The following SOX10 variants were observed in gnomAD, a reference collection of about 807,000 sequenced individuals.
The protein encoded by SOX10 is transcription factor SOX-10.
In SOX10, 3 loss-of-function variants were observed where a neutral mutation model predicts 35.0. The observed-to-expected ratio is 0.09, with a 90% CI of 0.04 to 0.22. SOX10 has a LOEUF of 0.22. Ranked by LOEUF, SOX10 falls within the 10% of genes least tolerant of loss-of-function variation. The pLI is 1.00. For synonymous variants in SOX10, 285 were observed against 291.0 expected (o/e 0.98, Z 0.21); for missense variants, 436 against 655.1 (o/e 0.67, Z 3.65).
chr22:37,975,640 C>T (rs986870954), intron 3 of SOX10, among the ~76,000 whole-genome samples: 4 of 152,326 alleles, frequency 2.6e-5, no homozygotes, highest in Non-Finnish European at 4.4e-5. Context: ...CCAGAGGCAG[C>T]GCCAAGTCCT....
chr22:37,976,937 C>T (rs893552746), intron 3 of SOX10, among the ~76,000 whole-genome samples: 12 of 152,050 alleles, frequency 7.9e-5, no homozygotes, highest in East Asian at 1.9e-4. Flanking sequence ...GAGGCCGAGG[C>T]GGGCAGATTG....
At position 37,980,127 on chromosome 22, in the gene SOX10, T is replaced by C. The variant is rs1932351578; in HGVS notation, c.429-1992A>G. 1.3e-5 allele frequency among the ~76,000 whole-genome samples: 2 copies of C among 152,078 alleles called. No individual in the cohort carries two copies. The highest frequency in any genetic ancestry group is 1.3e-4 in the Admixed American group (2 of 15,280). ...CCAGCCGAGACTCTGTCAGAGTCAG[T>C]GTACACACTTAGGACAAAGATGCCG... On this transcript the variant is annotated intron_variant, in intron 2 of 3. Coordinates refer to ENST00000396884, the MANE Select transcript of SOX10 (RefSeq NM_006941.4). This position sits in a 1 kb window ranked among gnomAD's most constrained non-coding sequence, Gnocchi z 4.1.
chr22:37,978,229 A>T lies in SOX10; in HGVS notation c.429-94T>A. On this transcript the variant is annotated intron_variant, in intron 2 of 3. Coordinates refer to ENST00000396884, the MANE Select transcript of SOX10 (RefSeq NM_006941.4). This position sits in a 1 kb window ranked among gnomAD's most constrained non-coding sequence, Gnocchi z 5.0. ...GCCTCCCTCTGAGTGTCCATCTTGGAAGATGTGAGGCCCTGGGATGGGGCA... is the reference window on the plus strand; with the variant it reads ...GCCTCCCTCTGAGTGTCCATCTTGGTAGATGTGAGGCCCTGGGATGGGGCA... The T allele has an allele frequency of 7.4e-7, 1 of 1,348,954 alleles. No individual in the cohort carries two copies. Among genetic ancestry groups the T allele is most frequent in the Non-Finnish European group, 9.8e-7 (1 of 1,018,594 alleles). The allele number at this position is 1,348,954 out of a possible 1,614,324, so 83.6% of individuals were successfully genotyped here.
In SOX10 at chr22:37,977,880, G is replaced by A. The variant is rs752963435; in HGVS notation, c.684C>T (p.Pro228=). ...ATCAGCACTCACCTGAGGGGTGCTCGGGGTTCCCATCTGACATGGGGGAGC... is the reference window on the plus strand; with the variant it reads ...ATCAGCACTCACCTGAGGGGTGCTCAGGGTTCCCATCTGACATGGGGGAGC... ...GEGSPMSDGN[P]EHPSGQSHGP... The change falls in exon 3 of 4, where the codon CCC becomes CCT. Residue 228 remains proline (P), a synonymous_variant. Transcript: ENST00000396884. The A allele has an allele frequency of 7.4e-6, 12 of 1,611,340 alleles. No homozygotes were observed. Among genetic ancestry groups the A allele is most frequent in the East Asian group, 2.2e-5 (1 of 44,832 alleles).
At chr22:37,977,825 G>T in intron 3 of SOX10, 42 bp downstream of exon 3, 8 of 1,584,398 alleles carry the variant, frequency 5.0e-6, no homozygotes, top group Non-Finnish European at 6.9e-6. Flanking sequence ...TGTCTCCACT[G>T]ACTGGCCTTG....
Position 37,983,793 on chromosome 22 carries a change from C to T in SOX10, c.-9G>A, listed in dbSNP as rs1237344324. 5 of 1,427,864 alleles carry T rather than the reference C, an allele frequency of 3.5e-6. No homozygotes were observed. Among genetic ancestry groups the T allele is most frequent in the Admixed American group, 2.5e-5 (1 of 39,936 alleles). 88.4% of individuals were successfully genotyped at this position (1,427,864 alleles called of 1,614,324 possible). A position where few individuals can be genotyped will look rare whatever the true frequency, so the allele number is the denominator to read the frequency against. On this transcript the variant is annotated 5_prime_UTR_variant, in exon 2 of 4. Transcript: ENST00000396884. The surrounding 1 kb of genome is among the most constrained non-coding windows in gnomAD (Gnocchi z 9.5). ...TCCTGCTCCTCCGCCATGTCGCCCC[C>T]GGCCGCCGCCGCCGCCGCCTCGGCC...
Position 37,973,631 on chromosome 22 carries a change from T to C in SOX10, c.1265A>G (p.Tyr422Cys), listed in dbSNP as rs780682304. ...GGGCCCCATATAGGAGAAGGCCGAG[T>C]AGAGGCCAGAGGCCTGGCCCGAGTG... ...YGHSGQASGL[Y>C]SAFSYMGPSQ... is the part of the protein sequence containing the mutation. The change falls in exon 4 of 4, where the codon TAC becomes TGC. Residue 422 changes from tyrosine to cysteine, a missense_variant. Transcript: ENST00000396884. 1 of 1,613,546 alleles carries C rather than the reference T, an allele frequency of 6.2e-7. No homozygotes were observed. Among genetic ancestry groups the C allele is most frequent in the South Asian group, 1.1e-5 (1 of 91,082 alleles).
chr22:37,973,935 C>T lies in SOX10; in HGVS notation c.961G>A (p.Gly321Ser). The change falls in exon 4 of 4, where the codon GGC (glycine) becomes AGC (serine). Residue 321 changes from glycine (G) to serine (S), a missense_variant. This residue lies in a region of SOX10 where 285 missense variants were observed against 402.9 expected (regional missense o/e 0.71). Transcript: ENST00000396884. Reference protein sequence around the residue: ...SSYSAAGYGLGSALAVASGHS... With the variant: ...SSYSAAGYGLSSALAVASGHS... ...CCACTGGCCACGGCCAGGGCACTGC[C>T]CAGCCCATAGCCGGCTGCTGAGTAG... 1.2e-6 allele frequency: 2 copies of T among 1,610,556 alleles called. No individual in the cohort carries two copies. Among genetic ancestry groups the T allele is most frequent in the Non-Finnish European group, 1.7e-6 (2 of 1,179,914 alleles).
rs1932360502 is a variant in SOX10, at chr22:37,980,363, TGC to T, written c.429-2230_429-2229del. Reference sequence around the variant, plus strand: ...CTCACTCTTTCACCTATCCTTCCCTTGCCCCCTGCCCAGCTGGCAGCCAGCAT... The same window carrying T: ...CTCACTCTTTCACCTATCCTTCCCTTCCCCTGCCCAGCTGGCAGCCAGCAT... On this transcript the variant is annotated intron_variant, in intron 2 of 3. Coordinates refer to ENST00000396884, the MANE Select transcript of SOX10 (RefSeq NM_006941.4). This position sits in a 1 kb window ranked among gnomAD's most constrained non-coding sequence, Gnocchi z 4.1. Among the ~76,000 whole-genome samples, 1 of 152,088 alleles carries T rather than the reference TGC, an allele frequency of 6.6e-6. No homozygotes were observed. The highest frequency in any genetic ancestry group is 1.5e-5 in the Non-Finnish European group (1 of 67,998).
At chr22:37,982,763 C>G (rs775785306) in intron 2 of SOX10, among the ~76,000 whole-genome samples, 12 of 152,058 alleles carry the variant, frequency 7.9e-5, no homozygotes, top group Non-Finnish European at 1.5e-4. Context: ...GATGAAGAAG[C>G]CCCCAACTCA....
chr22:37,984,060 C>A lies in SOX10; in HGVS notation c.-84-192G>T. The A allele has an allele frequency of 3.7e-6, 1 of 270,870 alleles. No homozygotes were observed. Among genetic ancestry groups the A allele is most frequent in the Non-Finnish European group, 6.9e-6 (1 of 144,674 alleles). The allele number at this position is 270,870 out of a possible 1,614,324, so 16.8% of individuals were successfully genotyped here. A position where few individuals can be genotyped will look rare whatever the true frequency, so the allele number is the denominator to read the frequency against. ...CTCTGTGTCTTCCCACCACCTGGTC[C>A]CAACCGTCTCTTGGTGTGGGTGGCT... On this transcript the variant is annotated intron_variant, in intron 1 of 3. Coordinates refer to ENST00000396884, the MANE Select transcript of SOX10 (RefSeq NM_006941.4). This position sits in a 1 kb window ranked among gnomAD's most constrained non-coding sequence, Gnocchi z 4.4.
chr22:37,972,995 C>A lies in SOX10; in HGVS notation c.*500G>T. ...AGGCTCCTCAAAGCTACTCTCAGCC[C>A]CTGAGTGGGAGACACGGCCAGCTCC... On this transcript the variant is annotated 3_prime_UTR_variant, in exon 4 of 4. Transcript: ENST00000396884. 6.4e-6 allele frequency: 1 copy of A among 157,080 alleles called. No individual in the cohort carries two copies. The highest frequency in any genetic ancestry group is 1.4e-5 in the Non-Finnish European group (1 of 71,234). 9.7% of individuals were successfully genotyped at this position (157,080 alleles called of 1,614,324 possible).
Position 37,983,856 on chromosome 22 carries a change from G to T in SOX10, c.-72C>A. 7.9e-7 allele frequency: 1 copy of T among 1,271,536 alleles called. No homozygotes were observed. The highest frequency in any genetic ancestry group is 4.0e-5 in the Admixed American group (1 of 24,834). The allele number at this position is 1,271,536 out of a possible 1,614,324, so 78.8% of individuals were successfully genotyped here. Reference sequence around the variant, plus strand: ...CCAGCCGCCGGGGTCCTCGCAAAGAGTCCAACGCCCACCTGGATGGAAGGA... The same window carrying T: ...CCAGCCGCCGGGGTCCTCGCAAAGATTCCAACGCCCACCTGGATGGAAGGA... On this transcript the variant is annotated 5_prime_UTR_variant, in exon 2 of 4. Coordinates refer to ENST00000396884, the MANE Select transcript of SOX10 (RefSeq NM_006941.4). The surrounding 1 kb of genome is among the most constrained non-coding windows in gnomAD (Gnocchi z 9.5).
chr22:37,976,501 A>G (rs1228145726), intron 3 of SOX10, among the ~76,000 whole-genome samples: 5 of 152,232 alleles, frequency 3.3e-5, no homozygotes, highest in Admixed American at 6.5e-5. Flanking sequence ...AGTAGGACTC[A>G]GAGCGTGTCC....
chr22:37,983,994 G>T lies in SOX10; in HGVS notation c.-84-126C>A. The stretch of plus-strand genomic sequence containing the variant: ...TCCAGCTAAACCCATCTGGCCCCTG[G>T]GGCCCACGCACATGCCAGACTCTAG... On this transcript the variant is annotated intron_variant, in intron 1 of 3. Coordinates refer to ENST00000396884, the MANE Select transcript of SOX10 (RefSeq NM_006941.4). The surrounding 1 kb of genome is among the most constrained non-coding windows in gnomAD (Gnocchi z 9.5). The T allele has an allele frequency of 3.0e-6, 1 of 336,686 alleles. No homozygotes were observed. The highest frequency in any genetic ancestry group is 5.9e-5 in the East Asian group (1 of 16,872). 20.9% of individuals were successfully genotyped at this position (336,686 alleles called of 1,614,324 possible).
chr22:37,984,120 TTGA>T lies in SOX10; in HGVS notation c.-85+216_-85+218del, dbSNP rs2145778457. 1 of 200,306 alleles carries T rather than the reference TTGA, an allele frequency of 5.0e-6. No individual in the cohort carries two copies. The highest frequency in any genetic ancestry group is 1.2e-4 in the East Asian group (1 of 8,142). 12.4% of individuals were successfully genotyped at this position (200,306 alleles called of 1,614,324 possible). On this transcript the variant is annotated intron_variant, in intron 1 of 3. Transcript: ENST00000396884. The surrounding 1 kb of genome is among the most constrained non-coding windows in gnomAD (Gnocchi z 4.4). ...GCCTCCTTTTTTGGGTGGAGGTTTGTTGATGATAAGGAAGAAAAAAACGGAGCC... is the reference window on the plus strand; with the variant it reads ...GCCTCCTTTTTTGGGTGGAGGTTTGTTGATAAGGAAGAAAAAAACGGAGCC...
At position 37,980,947 on chromosome 22, in the gene SOX10, C is replaced by T. The variant is rs1310309631; in HGVS notation, c.428+2410G>A. On this transcript the variant is annotated intron_variant, in intron 2 of 3. Transcript: ENST00000396884. The surrounding 1 kb of genome is among the most constrained non-coding windows in gnomAD (Gnocchi z 4.1). ...CACAGGAGGGACTCTTGCCTGTGTC[C>T]GCCTTTCCAGTTTCTTGGCTCTGGT... Among the ~76,000 whole-genome samples the T allele has an allele frequency of 6.6e-6, 1 of 152,190 alleles. No individual in the cohort carries two copies. The highest frequency in any genetic ancestry group is 2.4e-5 in the African/African-American group (1 of 41,444).
At position 37,974,630 on chromosome 22, in the gene SOX10, A is replaced by T. The variant is rs1330718153; in HGVS notation, c.698-432T>A. 6.6e-6 allele frequency among the ~76,000 whole-genome samples: 1 copy of T among 152,060 alleles called. No homozygotes were observed. The highest frequency in any genetic ancestry group is 1.5e-5 in the Non-Finnish European group (1 of 68,002). Reference sequence around the variant, plus strand: ...GGCCTCCCAAAGTGCTGGGATTACCATCATGAGCCACTGCGCCCCACAGCA... The same window carrying T: ...GGCCTCCCAAAGTGCTGGGATTACCTTCATGAGCCACTGCGCCCCACAGCA... On this transcript the variant is annotated intron_variant, in intron 3 of 3. Transcript: ENST00000396884. This position sits in a 1 kb window ranked among gnomAD's most constrained non-coding sequence, Gnocchi z 5.4.
At chr22:37,979,013 T>C (rs1180166196) in intron 2 of SOX10, among the ~76,000 whole-genome samples, 1 of 151,516 alleles carries the variant, frequency 6.6e-6, no homozygotes, top group Non-Finnish European at 1.5e-5. Flanking sequence ...CTGACCTTAG[T>C]TGATCCGCCT....
Sources: allele counts gnomAD v4.1 joint callset (sites outside exome capture counted in the v4.1 genomes callset), GRCh38; gene constraint gnomAD v4.1.1; regional missense constraint gnomAD v4.1.1; non-coding constraint Gnocchi (gnomAD v3.1); transcripts MANE v1.5; gene names NCBI Gene and HGNC (gene_info 2026-07-23, HGNC 2026-07-21).